The following UTRN variants were observed in gnomAD, a reference collection of about 807,000 sequenced individuals.
The protein encoded by UTRN is utrophin.
Under a neutral mutation model 463.9 loss-of-function variants are expected in UTRN, and 283 were observed. That is an observed-to-expected ratio of 0.61 (90% CI 0.55 to 0.67). UTRN has a LOEUF of 0.67. UTRN is among the 30% of genes least tolerant of loss of function. The pLI is 0.00. For missense variants in UTRN, 3,922 were observed against 4,084.3 expected, an observed-to-expected ratio of 0.96 and a Z score of 1.08; for synonymous variants, 1,442 against 1,431.5, an observed-to-expected ratio of 1.01 and a Z score of -0.17.
intron 2 of UTRN, chr6:144,344,167 C>G: frequency 5.4e-6 from 7 of 1,299,316 alleles, no homozygotes; most frequent in Non-Finnish European, 7.1e-6. Context: ...TTGTTGTCCA[C>G]TTCCTCCACA....
At chr6:144,741,348 T>C (rs966240783) in intron 54 of UTRN, among the ~76,000 whole-genome samples, 1 of 152,314 alleles carries the variant, frequency 6.6e-6, no homozygotes, top group African/African-American at 2.4e-5. Context: ...TAAAAGACTT[T>C]GAATCTAAAA....
chr6:144,681,360 A>G (rs1052030446), intron 52 of UTRN, among the ~76,000 whole-genome samples: 1 of 152,186 alleles, frequency 6.6e-6, no homozygotes, highest in African/African-American at 2.4e-5. Flanking sequence ...GGAATGGTGA[A>G]GGAGAGGGAA....
chr6:144,846,679 A>G, intron 73 of UTRN, 126 bp from the exon 74 acceptor site: 1 of 1,297,342 alleles, frequency 7.7e-7, no homozygotes, highest in Non-Finnish European at 1.1e-6. Context: ...ATTAGCATCC[A>G]TTTAACAACT....
intron 2 of UTRN, among the ~76,000 whole-genome samples, chr6:144,322,040 G>A (rs6911171): frequency 0.14 from 20,739 of 152,138 alleles, 4,167 homozygotes; most frequent in African/African-American, 0.43. Flanking sequence ...CTGGGATTAC[G>A]GGCGTGAGCA....
At chr6:144,343,810 T>G (rs983593941) in intron 2 of UTRN, among the ~76,000 whole-genome samples, 3 of 152,154 alleles carry the variant, frequency 2.0e-5, no homozygotes, top group African/African-American at 7.2e-5. Flanking sequence ...AGGCCAGTTG[T>G]ATACCCAGGG....
chr6:144,651,178 A>G (rs1425988017), intron 51 of UTRN, among the ~76,000 whole-genome samples: 2 of 151,938 alleles, frequency 1.3e-5, no homozygotes, highest in African/African-American at 2.4e-5. Flanking sequence ...GTTTTTATCA[A>G]TTTTTTTGAT....
chr6:144,624,782 G>A (rs79984416), intron 51 of UTRN, among the ~76,000 whole-genome samples: 4,555 of 152,238 alleles, frequency 0.03, 245 homozygotes, highest in African/African-American at 0.1. Context: ...AGGTCTTTAC[G>A]AGAGCATTTC....
intron 2 of UTRN, among the ~76,000 whole-genome samples, chr6:144,394,587 G>C (rs906757603): frequency 2.6e-5 from 4 of 152,080 alleles, no homozygotes; most frequent in Non-Finnish European, 5.9e-5. Flanking sequence ...TGATGACCCG[G>C]TGTCATGATC....
intron 51 of UTRN, among the ~76,000 whole-genome samples, chr6:144,646,198 A>G (rs147187169): frequency 6.6e-6 from 1 of 152,324 alleles, no homozygotes; most frequent in East Asian, 1.9e-4. Flanking sequence ...TCGGCTTGAA[A>G]AGTTATTGAG....
At chr6:144,495,124 C>T (rs1414209897) in intron 33 of UTRN, among the ~76,000 whole-genome samples, 1 of 152,248 alleles carries the variant, frequency 6.6e-6, no homozygotes, top group Non-Finnish European at 1.5e-5. Context: ...GTGGAGCTGC[C>T]TTCCAGTCCC....
chr6:144,783,014 G>A (rs1775982235), intron 61 of UTRN, among the ~76,000 whole-genome samples: 1 of 151,996 alleles, frequency 6.6e-6, no homozygotes, highest in African/African-American at 2.4e-5. Flanking sequence ...TGACCAACGT[G>A]GTGAAACCCT....
chr6:144,297,653 G>T (rs1340531804), intron 2 of UTRN, among the ~76,000 whole-genome samples: 3 of 152,206 alleles, frequency 2.0e-5, no homozygotes, highest in African/African-American at 7.2e-5. Context: ...GAGCCCTGGG[G>T]ATTTGTAGTG....
chr6:144,646,189 C>T (rs1336085485), intron 51 of UTRN, among the ~76,000 whole-genome samples: 5 of 152,166 alleles, frequency 3.3e-5, no homozygotes, highest in African/African-American at 9.7e-5. Flanking sequence ...CAATTCTATT[C>T]GGCTTGAAAA....
At chr6:144,324,974 C>T (rs1192253080) in intron 2 of UTRN, among the ~76,000 whole-genome samples, 1 of 152,172 alleles carries the variant, frequency 6.6e-6, no homozygotes, top group African/African-American at 2.4e-5. Flanking sequence ...TTAAACAGCA[C>T]ACTTTGACTC....
At chr6:144,639,040 G>A (rs906948259) in intron 51 of UTRN, among the ~76,000 whole-genome samples, 6 of 152,082 alleles carry the variant, frequency 3.9e-5, no homozygotes, top group Non-Finnish European at 7.4e-5. Flanking sequence ...CTGCACTCCA[G>A]CCTAAGGGAC....
At chr6:144,326,029 G>GC (rs61028524) in intron 2 of UTRN, among the ~76,000 whole-genome samples, 20,723 of 152,136 alleles carry the variant, frequency 0.14, 4,159 homozygotes, top group African/African-American at 0.43. Context: ...TCAGGAAGGA[G>GC]TTTATAAGCA....
chr6:144,410,408 T>G (rs1478209345), intron 3 of UTRN, among the ~76,000 whole-genome samples: 4 of 152,150 alleles, frequency 2.6e-5, no homozygotes, highest in Non-Finnish European at 5.9e-5. Context: ...GCTTTTTATT[T>G]ATTTATTTAT....
chr6:144,713,681 G>A (rs1448225862), intron 53 of UTRN, among the ~76,000 whole-genome samples: 2 of 151,672 alleles, frequency 1.3e-5, no homozygotes, highest in Non-Finnish European at 2.9e-5. Flanking sequence ...AGCACTTTGG[G>A]AGGCTGAGGT....
intron 71 of UTRN, chr6:144,838,913 A>G: frequency 5.6e-6 from 2 of 354,748 alleles, no homozygotes; most frequent in East Asian, 5.2e-5. Flanking sequence ...TTAAAACAAC[A>G]GAAAAATTGA....
Sources: gnomAD v4.1 joint callset for allele counts (sites outside exome capture counted in the v4.1 genomes callset) on GRCh38, gnomAD v4.1.1 for gene constraint, MANE v1.5 for transcripts, NCBI Gene and HGNC (gene_info 2026-07-23, HGNC 2026-07-21) for gene names.